FMN1: variants seen among roughly 807,000 people sequenced by gnomAD.
FMN1 encodes formin-1.
A neutral mutation model predicts 132.4 loss-of-function variants in FMN1; 110 were observed. That is an observed-to-expected ratio of 0.83 (90% confidence interval 0.71 to 0.97). The LOEUF (loss-of-function observed/expected upper bound fraction) is 0.97. Among genes scored for constraint, FMN1 ranks in the 50% least tolerant of loss-of-function variants. The pLI is 0.00. For missense variants in FMN1, 1,792 were observed against 1,705.3 expected (o/e 1.05, Z -0.90); for synonymous variants, 722 against 651.7 (o/e 1.11, Z -1.64).
At chr15:32,941,833 CAA>C (rs1271167440) in intron 9 of FMN1, among the ~76,000 whole-genome samples, 1 of 152,010 alleles carries the variant, frequency 6.6e-6, no homozygotes, top group Non-Finnish European at 1.5e-5. Context: ...TTTTTTTAAA[CAA>C]GAGATGTTTT....
At chr15:33,016,556 T>TA (rs1160655290) in intron 6 of FMN1, among the ~76,000 whole-genome samples, 5 of 151,050 alleles carry the variant, frequency 3.3e-5, no homozygotes, top group Non-Finnish European at 7.4e-5. Context: ...GGCAGTGAAG[T>TA]AAAGAGAAAG....
At chr15:32,972,909 CCTCA>C (rs1177035668) in intron 7 of FMN1, among the ~76,000 whole-genome samples, 1 of 152,138 alleles carries the variant, frequency 6.6e-6, no homozygotes, top group African/African-American at 2.4e-5. Flanking sequence ...TGAAATTCCT[CCTCA>C]CTATTAATGC....
intron 4 of FMN1, among the ~76,000 whole-genome samples, chr15:33,115,923 A>C (rs2039906046): frequency 6.6e-6 from 1 of 152,100 alleles, no homozygotes; most frequent in Non-Finnish European, 1.5e-5. Context: ...ATCATTATTC[A>C]TTTCAACTAG....
intron 4 of FMN1, chr15:33,150,947 C>A (rs1428984960): frequency 9.6e-7 from 1 of 1,045,952 alleles, no homozygotes; most frequent in Admixed American, 4.8e-5. Flanking sequence ...TCTCTGAGCC[C>A]TCTTCTGGGT....
At chr15:33,022,417 T>A (rs2035459283) in intron 6 of FMN1, among the ~76,000 whole-genome samples, 2 of 152,090 alleles carry the variant, frequency 1.3e-5, no homozygotes, top group African/African-American at 4.8e-5. Flanking sequence ...ATTTGAAAAG[T>A]GGACTAGTAT....
intron 7 of FMN1, among the ~76,000 whole-genome samples, chr15:33,004,791 A>C (rs931855278): frequency 1.3e-5 from 2 of 152,208 alleles, no homozygotes; most frequent in African/African-American, 4.8e-5. Context: ...ACCAACCCAA[A>C]TGTCCATCAA....
chr15:32,943,935 C>A (rs1462045589), intron 9 of FMN1, among the ~76,000 whole-genome samples: 1 of 152,144 alleles, frequency 6.6e-6, no homozygotes, highest in Non-Finnish European at 1.5e-5. Flanking sequence ...GGTATGGTAG[C>A]CTATGGATAC....
intron 3 of FMN1, among the ~76,000 whole-genome samples, chr15:33,169,338 T>C (rs1965227097): frequency 6.6e-6 from 1 of 152,110 alleles, no homozygotes; most frequent in Non-Finnish European, 1.5e-5. Context: ...TCAAAACACA[T>C]CCTCAAAACA....
chr15:33,183,600 T>C (rs760104436), intron 2 of FMN1, among the ~76,000 whole-genome samples: 155 of 152,166 alleles, frequency 1.0e-3, no homozygotes, highest in Non-Finnish European at 1.9e-3. Flanking sequence ...ACACCCAAAG[T>C]AGTGGGGATT....
chr15:33,091,412 A>C (rs948066137), intron 4 of FMN1, among the ~76,000 whole-genome samples: 1 of 152,050 alleles, frequency 6.6e-6, no homozygotes, highest in Non-Finnish European at 1.5e-5. Context: ...GTCAAGGTGA[A>C]AGTTATCTTC....
chr15:32,792,888 C>T (rs765356486), intron 19 of FMN1, among the ~76,000 whole-genome samples: 2 of 152,122 alleles, frequency 1.3e-5, no homozygotes, highest in Non-Finnish European at 2.9e-5. Context: ...AAACTGGGTT[C>T]CTGACATCCA....
intron 15 of FMN1, among the ~76,000 whole-genome samples, chr15:32,892,374 T>C (rs2060052713): frequency 6.6e-6 from 1 of 152,252 alleles, no homozygotes; most frequent in African/African-American, 2.4e-5. Context: ...AACTTGCGTA[T>C]GTTAAAACCA....
At chr15:33,064,777 G>A (rs965087183) in intron 6 of FMN1, 180 bp downstream of exon 6, 11 of 439,936 alleles carry the variant, frequency 2.5e-5, no homozygotes, top group African/African-American at 2.2e-4. Context: ...TCATCTTTCA[G>A]AGGCTCGTTA....
chr15:32,852,627 C>T (rs1289565011), intron 17 of FMN1, among the ~76,000 whole-genome samples: 1 of 152,164 alleles, frequency 6.6e-6, no homozygotes, highest in African/African-American at 2.4e-5. Flanking sequence ...TCGGCTTTGC[C>T]ATTGCTTTTG....
At chr15:32,940,203 G>A (rs1210507103) in intron 9 of FMN1, among the ~76,000 whole-genome samples, 4 of 152,132 alleles carry the variant, frequency 2.6e-5, no homozygotes, top group Admixed American at 2.6e-4. Flanking sequence ...TTGGCCAGCT[G>A]TGGAATGGGA....
chr15:32,827,503 G>C (rs1273583526), intron 17 of FMN1, among the ~76,000 whole-genome samples: 3 of 152,170 alleles, frequency 2.0e-5, no homozygotes, highest in Non-Finnish European at 4.4e-5. Flanking sequence ...TAACAAAAGA[G>C]TTATAATCAT....
intron 6 of FMN1, among the ~76,000 whole-genome samples, chr15:33,045,997 A>G (rs1372437562): frequency 6.6e-6 from 1 of 152,226 alleles, no homozygotes. Context: ...GCATTTAATT[A>G]TGAAATAATA....
At chr15:32,949,784 G>A (rs1567447986) in intron 9 of FMN1, among the ~76,000 whole-genome samples, 1 of 150,456 alleles carries the variant, frequency 6.6e-6, no homozygotes, top group South Asian at 2.1e-4. Context: ...CAGAATGGGA[G>A]AAAAACTTTG....
At chr15:33,167,828 T>C (rs1347707153) in intron 3 of FMN1, among the ~76,000 whole-genome samples, 5 of 152,164 alleles carry the variant, frequency 3.3e-5, no homozygotes, top group African/African-American at 1.2e-4. Flanking sequence ...AAGTGGATAA[T>C]CCTAAAGGTC....
Sources: gnomAD v4.1 joint callset for allele counts (sites outside exome capture counted in the v4.1 genomes callset) on GRCh38, gnomAD v4.1.1 for gene constraint, MANE v1.5 for transcripts, NCBI Gene and HGNC (gene_info 2026-07-23, HGNC 2026-07-21) for gene names.